DLG2: variants seen among roughly 807,000 people sequenced by gnomAD.
DLG2 encodes the protein discs large MAGUK scaffold protein 2, also known as disks large homolog 2.
In DLG2, 45 loss-of-function variants were observed where a neutral mutation model predicts 132.5. The observed-to-expected ratio is 0.34, with a 90% confidence interval of 0.27 to 0.44. The LOEUF is 0.44. DLG2 is among the 20% of genes least tolerant of loss of function. The pLI, the probability that DLG2 is intolerant of heterozygous loss-of-function variation, is 1.00. For synonymous variants in DLG2, 424 were observed against 419.6 expected (o/e 1.01, Z -0.13); for missense variants, 1,045 against 1,196.9 (o/e 0.87, Z 1.87).
At chr11:85,252,171 T>C (rs1332968982) in intron 4 of DLG2, among the ~76,000 whole-genome samples, 1 of 152,160 alleles carries the variant, frequency 6.6e-6, no homozygotes, top group East Asian at 1.9e-4. Context: ...CAAGGAAACA[T>C]TCACAACTGG....
chr11:85,565,574 C>T (rs968622426), intron 3 of DLG2, among the ~76,000 whole-genome samples: 1 of 152,070 alleles, frequency 6.6e-6, no homozygotes, highest in African/African-American at 2.4e-5. Flanking sequence ...GATTTGCCTA[C>T]AGCAGACATT....
At chr11:84,539,451 G>A (rs894247714) in intron 6 of DLG2, among the ~76,000 whole-genome samples, 1 of 152,124 alleles carries the variant, frequency 6.6e-6, no homozygotes, top group African/African-American at 2.4e-5. Context: ...GTCATTCTGG[G>A]CACCTTTGAG....
chr11:84,004,262 G>A (rs376796235), intron 11 of DLG2, among the ~76,000 whole-genome samples: 2 of 152,006 alleles, frequency 1.3e-5, no homozygotes, highest in African/African-American at 4.8e-5. Flanking sequence ...TTTATACCAA[G>A]GGATGCAAGA....
chr11:85,236,377 T>A (rs140664031), intron 4 of DLG2, among the ~76,000 whole-genome samples: 1 of 152,018 alleles, frequency 6.6e-6, no homozygotes, highest in African/African-American at 2.4e-5. Flanking sequence ...GCTGAGTAGA[T>A]TTCCTCTGAG....
chr11:84,085,659 T>C (rs1594910221), intron 10 of DLG2, among the ~76,000 whole-genome samples: 1 of 152,224 alleles, frequency 6.6e-6, no homozygotes, highest in East Asian at 1.9e-4. Flanking sequence ...GCAGTACATC[T>C]TGTTAACTTT....
chr11:84,774,787 TAACTC>T (rs1251982466), intron 6 of DLG2, among the ~76,000 whole-genome samples: 2 of 152,052 alleles, frequency 1.3e-5, no homozygotes, highest in African/African-American at 4.8e-5. Flanking sequence ...GTACAAAAAT[TAACTC>T]AAGATTGATT....
intron 6 of DLG2, among the ~76,000 whole-genome samples, chr11:84,753,064 C>T (rs1043734772): frequency 1.3e-5 from 2 of 152,004 alleles, no homozygotes; most frequent in Non-Finnish European, 2.9e-5. Flanking sequence ...AAGAAGTAAG[C>T]AGCATTTATT....
chr11:85,456,841 G>A (rs1258872161), intron 3 of DLG2, among the ~76,000 whole-genome samples: 3 of 152,252 alleles, frequency 2.0e-5, no homozygotes, highest in African/African-American at 7.2e-5. Flanking sequence ...TGGTTGGTAT[G>A]ATATCAATTG....
rs184472515 is a variant in DLG2, at chr11:84,260,344, G to T, written c.520-9053C>A. On this transcript the variant is annotated intron_variant, in intron 7 of 27. Coordinates refer to ENST00000376104, the MANE Select transcript of DLG2 (RefSeq NM_001142699.3). ...CTATTTGGATGAAGAAATGGGGATT[G>T]CTTGAACTGTTAGTATGAAGATTCT... Among the ~76,000 whole-genome samples the T allele has an allele frequency of 3.3e-4, 51 of 152,294 alleles. No homozygotes were observed. The East Asian group carries it at 9.1e-3, about 27-fold the overall frequency.
intron 19 of DLG2, 147 bp from the exon 20 acceptor site, chr11:83,542,005 A>T: frequency 1.4e-6 from 1 of 732,710 alleles, no homozygotes; most frequent in Non-Finnish European, 2.0e-6. Flanking sequence ...CACAGTCCAC[A>T]CTCTCACTGC....
At chr11:84,721,597 C>T (rs1302735961) in intron 6 of DLG2, among the ~76,000 whole-genome samples, 2 of 149,640 alleles carry the variant, frequency 1.3e-5, no homozygotes, top group Non-Finnish European at 3.0e-5. Context: ...TGCAAAATTG[C>T]TTATGGAAGA....
At chr11:84,521,240 AAAT>A (rs1477666377) in intron 7 of DLG2, among the ~76,000 whole-genome samples, 3 of 152,200 alleles carry the variant, frequency 2.0e-5, no homozygotes, top group Non-Finnish European at 4.4e-5. Flanking sequence ...TGGCATAAAC[AAAT>A]AATAACTCAG....
chr11:84,640,442 G>A (rs979970577), intron 6 of DLG2: 4 of 476,566 alleles, frequency 8.4e-6, no homozygotes, highest in Non-Finnish European at 6.9e-6. Context: ...ACAACATTGA[G>A]CTTATTTCAA....
At chr11:84,456,097 A>G (rs190049645) in intron 7 of DLG2, among the ~76,000 whole-genome samples, 6 of 151,406 alleles carry the variant, frequency 4.0e-5, no homozygotes, top group South Asian at 2.1e-4. Context: ...CCTGTTGACA[A>G]TCTTATGGTG....
In DLG2 at chr11:85,221,275, A is replaced by C. The variant is rs979570341; in HGVS notation, c.186+63945T>G. ...ATGGTCTCAATCTCCTGACCTCGTG[A>C]TCCATCCTCCTGACCTCGTGATCCA... On this transcript the variant is annotated intron_variant, in intron 4 of 27. Coordinates refer to ENST00000376104, the MANE Select transcript of DLG2 (RefSeq NM_001142699.3). Among the ~76,000 whole-genome samples the C allele has an allele frequency of 2.0e-5, 3 of 151,880 alleles. No homozygotes were observed. The South Asian group carries it at 6.2e-4, about 32-fold the overall frequency.
intron 9 of DLG2, among the ~76,000 whole-genome samples, chr11:84,138,321 C>G (rs1176926940): frequency 6.6e-6 from 1 of 152,164 alleles, no homozygotes; most frequent in Non-Finnish European, 1.5e-5. Context: ...TCAGAACAGC[C>G]AAGTCTGAGT....
At chr11:84,217,677 A>G (rs926697532) in intron 8 of DLG2, among the ~76,000 whole-genome samples, 1 of 152,236 alleles carries the variant, frequency 6.6e-6, no homozygotes, top group African/African-American at 2.4e-5. Flanking sequence ...GTTAACTTCA[A>G]GAAAACTTAA....
chr11:83,817,949 T>G (rs1240060460), intron 17 of DLG2, among the ~76,000 whole-genome samples: 1 of 152,200 alleles, frequency 6.6e-6, no homozygotes, highest in East Asian at 1.9e-4. Context: ...TAATAAAAAA[T>G]TAATTGTTCA....
intron 6 of DLG2, among the ~76,000 whole-genome samples, chr11:84,713,397 A>C (rs1041461286): frequency 6.6e-6 from 1 of 152,086 alleles, no homozygotes; most frequent in African/African-American, 2.4e-5. Context: ...TTCTGAAAAC[A>C]CTGTCTGACA....
Sources: gnomAD v4.1 joint callset for allele counts (sites outside exome capture counted in the v4.1 genomes callset) on GRCh38, gnomAD v4.1.1 for gene constraint, MANE v1.5 for transcripts, NCBI Gene and HGNC (gene_info 2026-07-23, HGNC 2026-07-21) for gene names.